ATP9B: variants seen among roughly 807,000 people sequenced by gnomAD.
The protein encoded by ATP9B is ATPase phospholipid transporting 9B, also known as probable phospholipid-transporting ATPase IIB.
ATP9B carries 110 observed loss-of-function variants against 146.1 expected under a neutral mutation model. That is an observed-to-expected ratio of 0.75 (90% CI 0.65 to 0.88). The LOEUF (loss-of-function observed/expected upper bound fraction) is 0.88, where lower values mean the gene tolerates loss of function less well. Among genes scored for constraint, ATP9B ranks in the 40% least tolerant of loss-of-function variants. The pLI, the probability that ATP9B is intolerant of heterozygous loss-of-function variation, is 0.00. For synonymous variants in ATP9B, 604 were observed against 569.7 expected (o/e 1.06, Z -0.86); for missense variants, 1,499 against 1,496.4 (o/e 1.00, Z -0.03).
intron 11 of ATP9B, among the ~76,000 whole-genome samples, chr18:79,241,574 A>G (rs1487827961): frequency 6.6e-6 from 1 of 152,168 alleles, no homozygotes; most frequent in Admixed American, 6.5e-5. Flanking sequence ...CATTCATCCA[A>G]AGTTAGAACC....
intron 26 of ATP9B, among the ~76,000 whole-genome samples, chr18:79,366,100 T>C (rs2097026532): frequency 6.6e-6 from 1 of 152,194 alleles, no homozygotes; most frequent in African/African-American, 2.4e-5. Flanking sequence ...TGAAAGCTGG[T>C]ATTGATTCTT....
At chr18:79,376,285 C>T (rs2097103083) in intron 29 of ATP9B, 1 of 985,082 alleles carries the variant, frequency 1.0e-6, no homozygotes, top group Admixed American at 6.2e-5. Flanking sequence ...GCTGGTGTCT[C>T]TTCCCTAAGC....
intron 13 of ATP9B, among the ~76,000 whole-genome samples, chr18:79,294,408 C>T (rs1032311081): frequency 6.6e-6 from 1 of 152,228 alleles, no homozygotes; most frequent in Admixed American, 6.5e-5. Flanking sequence ...GCAGTCTCCA[C>T]GGAACCTTGC....
intron 5 of ATP9B, among the ~76,000 whole-genome samples, chr18:79,130,657 C>T (rs1002241378): frequency 6.6e-6 from 1 of 151,920 alleles, no homozygotes; most frequent in African/African-American, 2.4e-5. Flanking sequence ...AGATACATAA[C>T]CAAGCAGCTG....
intron 26 of ATP9B, among the ~76,000 whole-genome samples, chr18:79,369,511 C>T (rs2097056578): frequency 7.9e-6 from 1 of 125,810 alleles, no homozygotes. Context: ...CCAGCCTGGG[C>T]GACAGAGCAA....
At chr18:79,351,309 C>T (rs1243693770) in intron 25 of ATP9B, among the ~76,000 whole-genome samples, 3 of 152,212 alleles carry the variant, frequency 2.0e-5, no homozygotes, top group South Asian at 4.1e-4. Context: ...CCCGAGTGCT[C>T]TGCAGCGTCC....
At chr18:79,072,646 T>G (rs1191080322) in intron 1 of ATP9B, among the ~76,000 whole-genome samples, 3 of 152,190 alleles carry the variant, frequency 2.0e-5, no homozygotes. Flanking sequence ...TCATGGCCCG[T>G]TCTCAGTGAG....
chr18:79,131,503 A>C (rs145178655), intron 5 of ATP9B, among the ~76,000 whole-genome samples: 30 of 152,324 alleles, frequency 2.0e-4, no homozygotes, highest in African/African-American at 6.5e-4. Context: ...GTTGGCTGTA[A>C]TTTTAAAATA....
rs573959372 is a variant in ATP9B, at chr18:79,335,955, T to TC, written c.2029-668dup. Among the ~76,000 whole-genome samples, 268 of 149,548 alleles carry TC rather than the reference T, an allele frequency of 1.8e-3. 2 individuals are homozygous for TC. Among genetic ancestry groups the TC allele is most frequent in the Middle Eastern group, 0.011 (3 of 278 alleles). On this transcript the variant is annotated intron_variant, in intron 17 of 29. Coordinates refer to ENST00000426216, the MANE Select transcript of ATP9B (RefSeq NM_198531.5). Reference sequence around the variant, plus strand: ...ATGGTATTACAACACGCCAGGGGGGTCCCCCTCTCCCCCAGTGTACACCAG... The same window carrying TC: ...ATGGTATTACAACACGCCAGGGGGGTCCCCCCTCTCCCCCAGTGTACACCAG...
chr18:79,305,810 T>C (rs987252706), intron 14 of ATP9B, among the ~76,000 whole-genome samples: 3 of 152,262 alleles, frequency 2.0e-5, no homozygotes, highest in Non-Finnish European at 4.4e-5. Context: ...TCTGATTCTC[T>C]ATCGGTATTC....
intron 15 of ATP9B, among the ~76,000 whole-genome samples, chr18:79,314,221 A>G (rs1437958845): frequency 6.6e-6 from 1 of 152,180 alleles, no homozygotes. Context: ...TCCACTGTGC[A>G]CCCATACCAT....
chr18:79,306,435 A>G (rs2096620904), intron 14 of ATP9B, among the ~76,000 whole-genome samples: 1 of 152,134 alleles, frequency 6.6e-6, no homozygotes, highest in Admixed American at 6.5e-5. Context: ...ACACGGGGCC[A>G]TTTTTCCTCT....
At chr18:79,123,460 G>A (rs777967897) in intron 4 of ATP9B, among the ~76,000 whole-genome samples, 1 of 151,418 alleles carries the variant, frequency 6.6e-6, no homozygotes, top group Non-Finnish European at 1.5e-5. Context: ...TGTTAAGATG[G>A]CAGCACTCTC....
intron 17 of ATP9B, among the ~76,000 whole-genome samples, chr18:79,331,687 C>G (rs755835835): frequency 6.6e-6 from 1 of 151,618 alleles, no homozygotes; most frequent in Non-Finnish European, 1.5e-5. Context: ...TCCTCCAGAA[C>G]TGAATTCTTG....
At chr18:79,126,182 G>T in intron 4 of ATP9B, 85 bp from the exon 5 acceptor site, 1 of 1,133,550 alleles carries the variant, frequency 8.8e-7, no homozygotes, top group Non-Finnish European at 1.3e-6. Context: ...ATAAATTGAA[G>T]GAAAAAAGTT....
At chr18:79,343,348 A>AT (rs1042593235) in intron 20 of ATP9B, among the ~76,000 whole-genome samples, 2 of 152,186 alleles carry the variant, frequency 1.3e-5, no homozygotes, top group African/African-American at 4.8e-5. Flanking sequence ...CTTTTAATTT[A>AT]TTTCAGTCCT....
intron 17 of ATP9B, among the ~76,000 whole-genome samples, chr18:79,335,018 C>T (rs765057869): frequency 6.7e-5 from 10 of 149,738 alleles, no homozygotes; most frequent in Non-Finnish European, 1.2e-4. Flanking sequence ...TGAGGCCTGT[C>T]CCTCTGGGTG....
chr18:79,072,384 T>TA (rs1307915798), intron 1 of ATP9B, among the ~76,000 whole-genome samples: 1 of 152,138 alleles, frequency 6.6e-6, no homozygotes, highest in East Asian at 1.9e-4. Context: ...AAGCATCTGT[T>TA]TAACAAAGCA....
chr18:79,289,718 C>G lies in ATP9B; in HGVS notation c.1411+12522C>G, dbSNP rs565160903. ...TTTTAGAGTTTGCAGTTTTTCTGCT[C>G]TGTTTTTTCCCCATCTTTGTGGTTT... is the stretch of plus-strand genomic sequence containing the variant. On this transcript the variant is annotated intron_variant, in intron 13 of 29. Coordinates refer to ENST00000426216, the MANE Select transcript of ATP9B (RefSeq NM_198531.5). 1.1e-4 allele frequency among the ~76,000 whole-genome samples: 17 copies of G among 152,270 alleles called. No homozygotes were observed. The South Asian group carries it at 1.5e-3, about 13-fold the overall frequency.
Sources: gnomAD v4.1 joint callset for allele counts (sites outside exome capture counted in the v4.1 genomes callset) on GRCh38, gnomAD v4.1.1 for gene constraint, MANE v1.5 for transcripts, NCBI Gene and HGNC (gene_info 2026-07-23, HGNC 2026-07-21) for gene names.